The following PITPNM2 variants were observed in gnomAD, a reference collection of about 807,000 sequenced individuals.
PITPNM2 encodes membrane-associated phosphatidylinositol transfer protein 2.
Under a neutral mutation model 132.2 loss-of-function variants are expected in PITPNM2, and 35 were observed. The ratio of observed to expected loss-of-function variants is 0.26; its 90% CI spans 0.20 to 0.35. The LOEUF (loss-of-function observed/expected upper bound fraction) is 0.35, where lower values mean the gene tolerates loss of function less well. Ranked by LOEUF, PITPNM2 falls within the 10% of genes least tolerant of loss-of-function variation. The pLI is 1.00. For synonymous variants in PITPNM2, 738 were observed against 799.2 expected, an observed-to-expected ratio of 0.92 and a Z score of 1.29; for missense variants, 1,332 against 1,912.0, an observed-to-expected ratio of 0.70 and a Z score of 5.66.
intron 20 of PITPNM2, 69 bp from the exon 21 acceptor site, chr12:122,987,970 G>T: frequency 7.2e-7 from 1 of 1,386,374 alleles, no homozygotes; most frequent in South Asian, 1.3e-5. Context: ...TTCTGCTCAA[G>T]CTCTGTGGGC....
chr12:123,142,451 TGA>T (rs1187099561), intron 1 of PITPNM2, among the ~76,000 whole-genome samples: 1 of 152,156 alleles, frequency 6.6e-6, no homozygotes, highest in Non-Finnish European at 1.5e-5. Context: ...GCGAAATAGG[TGA>T]GAGTGCTTTC....
chr12:123,151,318 C>G (rs1347690512), upstream of PITPNM2, among the ~76,000 whole-genome samples: 2 of 151,652 alleles, frequency 1.3e-5, no homozygotes, highest in Non-Finnish European at 2.9e-5. Flanking sequence ...CCTCAGGGCC[C>G]GGGACTGGAC....
intron 2 of PITPNM2, among the ~76,000 whole-genome samples, chr12:123,075,218 C>G (rs1163993981): frequency 6.6e-6 from 1 of 152,232 alleles, no homozygotes; most frequent in Non-Finnish European, 1.5e-5. Flanking sequence ...GTTCAGGAAA[C>G]TCACAAGAGA....
intron 2 of PITPNM2, among the ~76,000 whole-genome samples, chr12:123,049,137 AACACAC>A (rs35784732): frequency 4.1e-5 from 6 of 146,778 alleles, no homozygotes; most frequent in African/African-American, 1.5e-4. Flanking sequence ...CTGTCTCTAA[AACACAC>A]ACACACACAC....
At chr12:123,133,195 A>G (rs1036207274) in intron 1 of PITPNM2, among the ~76,000 whole-genome samples, 4 of 152,196 alleles carry the variant, frequency 2.6e-5, no homozygotes, top group Non-Finnish European at 4.4e-5. Flanking sequence ...GAGGGTTTCA[A>G]TTTCTCCACA....
chr12:123,043,396 C>T (rs551492232), intron 2 of PITPNM2, among the ~76,000 whole-genome samples: 1 of 152,140 alleles, frequency 6.6e-6, no homozygotes, highest in Non-Finnish European at 1.5e-5. Flanking sequence ...CCCCACCCCC[C>T]ACAGATTCCT....
intron 1 of PITPNM2, among the ~76,000 whole-genome samples, chr12:123,124,111 C>A (rs933888940): frequency 6.6e-6 from 1 of 151,858 alleles, no homozygotes; most frequent in Non-Finnish European, 1.5e-5. Context: ...AAAAAATTAG[C>A]CTGGCGTGGT....
In PITPNM2 at chr12:122,995,512, C is replaced by T; in HGVS notation, c.1931G>A (p.Ser644Asn). The T allele has an allele frequency of 6.2e-7, 1 of 1,613,352 alleles. No homozygotes were observed. Among genetic ancestry groups the T allele is most frequent in the Non-Finnish European group, 8.5e-7 (1 of 1,180,018 alleles). ...GTTGCTGCGGGGGATGTCGACGTTG[C>T]TTCGGCTCAGGTGCCGACTGCTCTC... ...SLESSRHLSR[S>N]NVDIPRSNGT... The change falls in exon 14 of 26, where the codon AGC (serine) becomes AAC (asparagine). Residue 644 changes from serine to asparagine, a missense_variant. This residue lies in a region of PITPNM2 where 710 missense variants were observed against 911.5 expected (regional missense o/e 0.78). Coordinates refer to ENST00000320201, the MANE Select transcript of PITPNM2 (RefSeq NM_020845.3).
chr12:123,086,104 T>G (rs753446842), intron 2 of PITPNM2, among the ~76,000 whole-genome samples: 1 of 152,216 alleles, frequency 6.6e-6, no homozygotes, highest in Non-Finnish European at 1.5e-5. Flanking sequence ...GGAGGTCCTC[T>G]CTGACCATCT....
intron 1 of PITPNM2, among the ~76,000 whole-genome samples, chr12:123,137,880 G>A (rs779966079): frequency 3.2e-5 from 4 of 125,616 alleles, no homozygotes; most frequent in South Asian, 2.9e-4. Flanking sequence ...GTGACAGAGC[G>A]AGATTCTGTC....
In PITPNM2 at chr12:123,044,298, G is replaced by C. The variant is rs2040584238; in HGVS notation, c.-95-9613C>G. 2.6e-5 allele frequency among the ~76,000 whole-genome samples: 4 copies of C among 152,286 alleles called. No homozygotes were observed. In the South Asian group the frequency reaches 8.3e-4, roughly 32 times the overall value. ...CCCAGACCATCCTCCTACATAAGAA[G>C]TGCCAGGGCTTTTCAGGAGGCCACT... is the stretch of plus-strand genomic sequence containing the variant. On this transcript the variant is annotated intron_variant, in intron 2 of 25. Transcript: ENST00000320201.
chr12:123,011,746 A>C (rs1186016239), intron 5 of PITPNM2, among the ~76,000 whole-genome samples: 2 of 152,172 alleles, frequency 1.3e-5, no homozygotes, highest in Non-Finnish European at 2.9e-5. Context: ...AGGAGCACCA[A>C]GGACTGCCGG....
At chr12:123,013,239 C>G (rs1396398958) in intron 4 of PITPNM2, among the ~76,000 whole-genome samples, 2 of 152,222 alleles carry the variant, frequency 1.3e-5, no homozygotes, top group Non-Finnish European at 2.9e-5. Flanking sequence ...AAGGGAGCCC[C>G]AGGAGATTTG....
intron 3 of PITPNM2, among the ~76,000 whole-genome samples, chr12:123,021,029 CAA>C (rs910751492): frequency 0.03 from 771 of 25,316 alleles, 24 homozygotes; most frequent in African/African-American, 0.069. Flanking sequence ...AATTCCATCT[CAA>C]AAAAAAAAAA....
At chr12:122,987,928 CAG>C (rs1270307651) in intron 20 of PITPNM2, 27 bp from the exon 21 acceptor site, 2 of 1,591,178 alleles carry the variant, frequency 1.3e-6, no homozygotes, top group Non-Finnish European at 1.7e-6. Flanking sequence ...AAGCCCAGGT[CAG>C]GGGGTCGGAG....
intron 2 of PITPNM2, chr12:123,091,206 C>T (rs1158532905): frequency 1.3e-5 from 2 of 152,226 alleles, no homozygotes; most frequent in Non-Finnish European, 2.9e-5. Flanking sequence ...GCAGGATTGC[C>T]GTCCTGCAGC....
intron 4 of PITPNM2, among the ~76,000 whole-genome samples, chr12:123,013,525 A>C (rs1484073578): frequency 6.6e-6 from 1 of 152,134 alleles, no homozygotes; most frequent in African/African-American, 2.4e-5. Flanking sequence ...GTGGGTTTAC[A>C]TTCCCTGCAT....
chr12:123,144,795 C>T (rs1466529600), intron 1 of PITPNM2, among the ~76,000 whole-genome samples: 1 of 152,074 alleles, frequency 6.6e-6, no homozygotes, highest in Admixed American at 6.5e-5. Context: ...GAACTCCTGA[C>T]CTCAGGTAAT....
At chr12:123,070,579 C>G (rs748877368) in intron 2 of PITPNM2, among the ~76,000 whole-genome samples, 5 of 152,222 alleles carry the variant, frequency 3.3e-5, no homozygotes, top group Admixed American at 6.5e-5. Context: ...CGATGTCCCC[C>G]CTCCCAGCTC....
Sources: allele counts gnomAD v4.1 joint callset (sites outside exome capture counted in the v4.1 genomes callset), GRCh38; gene constraint gnomAD v4.1.1; regional missense constraint gnomAD v4.1.1; transcripts MANE v1.5; gene names NCBI Gene and HGNC (gene_info 2026-07-23, HGNC 2026-07-21).